MPDZ: variants seen among roughly 807,000 people sequenced by gnomAD.
MPDZ encodes multiple PDZ domain crumbs cell polarity complex component.
Under a neutral mutation model 239.1 loss-of-function variants are expected in MPDZ, and 234 were observed. That is an observed-to-expected ratio of 0.98 (90% confidence interval 0.88 to 1.09). MPDZ has a LOEUF of 1.09. Ranked by LOEUF, MPDZ falls within the 50% of genes least tolerant of loss-of-function variation. The pLI is 0.00. For missense variants in MPDZ, 3,175 were observed against 2,510.0 expected, an observed-to-expected ratio of 1.26 and a Z score of -5.66; for synonymous variants, 1,048 against 881.3, an observed-to-expected ratio of 1.19 and a Z score of -3.35.
intron 16 of MPDZ, among the ~76,000 whole-genome samples, chr9:13,189,806 A>C (rs965510429): frequency 1.3e-5 from 2 of 152,214 alleles, no homozygotes; most frequent in Non-Finnish European, 2.9e-5. Context: ...TTACCACTAA[A>C]ATATGAGTCA....
chr9:13,204,424 T>C (rs192094636), intron 12 of MPDZ, among the ~76,000 whole-genome samples: 10 of 152,184 alleles, frequency 6.6e-5, no homozygotes, highest in Admixed American at 5.9e-4. Context: ...CTGTCTCTAA[T>C]ACGAATAATA....
At chr9:13,172,633 C>T (rs992598201) in intron 21 of MPDZ, among the ~76,000 whole-genome samples, 3 of 152,100 alleles carry the variant, frequency 2.0e-5, no homozygotes, top group East Asian at 1.9e-4. Context: ...GTGATCCACT[C>T]GCCTTAGCCT....
At chr9:13,168,835 T>G (rs1951421701) in intron 21 of MPDZ, among the ~76,000 whole-genome samples, 1 of 152,184 alleles carries the variant, frequency 6.6e-6, no homozygotes, top group Admixed American at 6.5e-5. Context: ...TGTGATGTGC[T>G]GACCCCTTGA....
rs1303201083 is a variant in MPDZ at position 13,221,900 on chromosome 9, GCTAACT to G, written c.747+327_747+332del. On this transcript the variant is annotated intron_variant, in intron 6 of 46. Transcript: ENST00000319217. ...GATGACTTCTTAAAAGTTACTGACA[GCTAACT>G]CTAACAATATAATTGTATAATTTTT... is the stretch of plus-strand genomic sequence containing the variant. Among the ~76,000 whole-genome samples the G allele has an allele frequency of 2.0e-5, 3 of 152,162 alleles. No individual in the cohort carries two copies. In the East Asian group the frequency reaches 5.8e-4, roughly 29 times the overall value.
Position 13,217,251 on chromosome 9 carries a change from T to C in MPDZ, c.1130A>G (p.Asp377Gly), listed in dbSNP as rs767945360. The change falls in exon 9 of 47, where the codon GAT becomes GGT. Residue 377 changes from aspartate (D) to glycine (G), a missense_variant. Physicochemically the swap from Asp to Gly is moderately conservative, Grantham distance 94 (BLOSUM62 -1). Coordinates refer to ENST00000319217, the MANE Select transcript of MPDZ (RefSeq NM_001378778.1). ...TQKGEESETFDVELTKNVQGL... is the reference protein window; with the variant it reads ...TQKGEESETFGVELTKNVQGL... ...TTGGACATTTTTAGTGAGTTCTACA[T>C]CAAATGTCTCACTTTCTTCACCTTT... 9 of 1,603,672 alleles carry C rather than the reference T, an allele frequency of 5.6e-6. No individual in the cohort carries two copies. The South Asian group carries it at 9.0e-5, about 16-fold the overall frequency.
At chr9:13,250,509 C>T in intron 1 of MPDZ, 137 bp from the exon 2 acceptor site, 1 of 489,968 alleles carries the variant, frequency 2.0e-6, no homozygotes. Flanking sequence ...AGATAGTTCG[C>T]TTTACAGACA....
chr9:13,118,374 T>C (rs909429016), intron 39 of MPDZ, among the ~76,000 whole-genome samples: 11 of 152,210 alleles, frequency 7.2e-5, no homozygotes, highest in African/African-American at 2.7e-4. Context: ...ACCAAATTTA[T>C]AAACACATTC....
chr9:13,113,860 G>C, intron 41 of MPDZ, 71 bp downstream of exon 41: 1 of 1,185,882 alleles, frequency 8.4e-7, no homozygotes, highest in East Asian at 2.6e-5. Flanking sequence ...AAGCTCAGAG[G>C]TAAACAAGAC....
chr9:13,220,917 A>G (rs1959025579), intron 7 of MPDZ, among the ~76,000 whole-genome samples: 1 of 152,060 alleles, frequency 6.6e-6, no homozygotes, highest in African/African-American at 2.4e-5. Flanking sequence ...GATAAAAAAC[A>G]GGCTGTGTTT....
intron 17 of MPDZ, among the ~76,000 whole-genome samples, chr9:13,188,308 A>C (rs1432223503): frequency 1.3e-5 from 2 of 152,090 alleles, no homozygotes; most frequent in African/African-American, 4.8e-5. Context: ...ACTTGAGGTA[A>C]GGAGTTCGAG....
chr9:13,138,530 A>C (rs916492722), intron 28 of MPDZ, among the ~76,000 whole-genome samples: 2 of 152,232 alleles, frequency 1.3e-5, no homozygotes, highest in Non-Finnish European at 2.9e-5. Context: ...TTCACTGATC[A>C]GTGGGAGCTT....
In MPDZ at chr9:13,216,785, G is replaced by A. The variant is rs1958403488; in HGVS notation, c.1279C>T (p.Gln427Ter). The A allele has an allele frequency of 6.2e-7, 1 of 1,605,086 alleles. No homozygotes were observed. Among genetic ancestry groups the A allele is most frequent in the African/African-American group, 1.3e-5 (1 of 74,556 alleles). Residue 427 changes from glutamine (Q) to a stop codon, truncating the protein, a stop_gained, in exon 10 of 47, where the codon CAA becomes TAA. Transcript: ENST00000319217. LOFTEE classifies it high-confidence loss of function. ...AATGTGTAACTTACTGCTATAATTT[G>A]GTCTCCAATTTGGATTCTTCCATCA... ...EHDGRIQIGDQIIAVDGTNLQ... is the reference protein window; with the variant it reads ...EHDGRIQIGD
chr9:13,213,802 A>G (rs1957947754), intron 10 of MPDZ, among the ~76,000 whole-genome samples: 1 of 152,072 alleles, frequency 6.6e-6, no homozygotes, highest in African/African-American at 2.4e-5. Flanking sequence ...CCACTTATAT[A>G]AGAATGAAGA....
At chr9:13,267,506 T>G (rs1321581088) in intron 1 of MPDZ, among the ~76,000 whole-genome samples, 1 of 152,222 alleles carries the variant, frequency 6.6e-6, no homozygotes, top group Non-Finnish European at 1.5e-5. Flanking sequence ...TTTCCATTGC[T>G]GAAAATTATG....
chr9:13,161,442 A>G (rs1950477681), intron 23 of MPDZ, among the ~76,000 whole-genome samples: 1 of 152,050 alleles, frequency 6.6e-6, no homozygotes, highest in Non-Finnish European at 1.5e-5. Flanking sequence ...ATGGTGGTGG[A>G]CACCTGTAAT....
chr9:13,173,772 T>C (rs1952101413), intron 21 of MPDZ, among the ~76,000 whole-genome samples: 1 of 151,898 alleles, frequency 6.6e-6, no homozygotes, highest in Admixed American at 6.6e-5. Flanking sequence ...ACCCAAACCA[T>C]GGCTCTTACA....
chr9:13,209,978 GA>G (rs939302708), intron 10 of MPDZ, among the ~76,000 whole-genome samples: 7 of 135,528 alleles, frequency 5.2e-5, no homozygotes, highest in Middle Eastern at 4.2e-3. Flanking sequence ...AAATGAGGGG[GA>G]AAAAAATCAA....
At chr9:13,267,343 C>T (rs2139074022) in intron 1 of MPDZ, among the ~76,000 whole-genome samples, 1 of 152,204 alleles carries the variant, frequency 6.6e-6, no homozygotes. Flanking sequence ...TATGCATTTC[C>T]TTTAATCCTA....
Position 13,168,357 on chromosome 9 carries a change from G to A in MPDZ, c.3254+9C>T. On this transcript the variant is annotated intron_variant, in intron 22 of 46. Coordinates refer to ENST00000319217, the MANE Select transcript of MPDZ (RefSeq NM_001378778.1). ...TCCCAAGTTAAACTGGGCTTCAAATGATACTTACTTTATGTCAGGGCCAAT... is the reference window on the plus strand; with the variant it reads ...TCCCAAGTTAAACTGGGCTTCAAATAATACTTACTTTATGTCAGGGCCAAT... The A allele has an allele frequency of 6.2e-7, 1 of 1,608,132 alleles. No homozygotes were observed. Among genetic ancestry groups the A allele is most frequent in the Non-Finnish European group, 8.5e-7 (1 of 1,177,096 alleles).
Sources: gnomAD v4.1 joint callset for allele counts (sites outside exome capture counted in the v4.1 genomes callset) on GRCh38, gnomAD v4.1.1 for gene constraint, MANE v1.5 for transcripts, NCBI Gene and HGNC (gene_info 2026-07-23, HGNC 2026-07-21) for gene names.